Variants in CXXC5 observed in about 807,000 individuals in gnomAD.
The protein encoded by CXXC5 is CXXC finger protein 5, also known as CXXC-type zinc finger protein 5.
Under a neutral mutation model 17.6 loss-of-function variants are expected in CXXC5, and 2 were observed. That is an observed-to-expected ratio of 0.11 (90% CI 0.05 to 0.36). The LOEUF is 0.36. Ranked by LOEUF, CXXC5 falls within the 10% of genes least tolerant of loss-of-function variation. The probability of loss-of-function intolerance (pLI) is 1.00; values close to 1 mark genes in which losing one functional copy is unlikely to be tolerated. For synonymous variants in CXXC5, 171 were observed against 193.0 expected, an observed-to-expected ratio of 0.89 and a Z score of 0.94; for missense variants, 343 against 458.3, an observed-to-expected ratio of 0.75 and a Z score of 2.30.
At chr5:139,655,772 C>CGGCCG (rs1301493022) in intron 1 of CXXC5, among the ~76,000 whole-genome samples, 13 of 151,408 alleles carry the variant, frequency 8.6e-5, no homozygotes, top group Admixed American at 8.5e-4. Context: ...CCAGCTGTGC[C>CGGCCG]GGCCGGCCGT....
At position 139,680,893 on chromosome 5, in the gene CXXC5, G is replaced by A. The variant is rs1488951126; in HGVS notation, c.370G>A (p.Ala124Thr). 3 of 1,605,302 alleles carry A rather than the reference G, an allele frequency of 1.9e-6. No homozygotes were observed. Among genetic ancestry groups the A allele is most frequent in the Non-Finnish European group, 2.5e-6 (3 of 1,179,968 alleles). Residue 124 changes from alanine (A) to threonine (T), a missense_variant, in exon 2 of 3, where the codon GCC becomes ACC. Ala to Thr is a moderately conservative substitution (Grantham distance 58). Around this residue, in one of 4 missense-constraint regions of CXXC5, gnomAD observed 297 missense variants for 363.4 expected, o/e 0.82. Coordinates refer to ENST00000302517, the MANE Select transcript of CXXC5 (RefSeq NM_016463.9). ...LLANGHDLAA[A>T]MAVDKSNPTS... Reference sequence around the variant, plus strand: ...GGCCAATGGGCATGACCTGGCGGCGGCCATGGCGGTGGACAAAAGCAACCC... The same window carrying A: ...GGCCAATGGGCATGACCTGGCGGCGACCATGGCGGTGGACAAAAGCAACCC...
At chr5:139,660,185 T>C (rs1755713306) in intron 1 of CXXC5, among the ~76,000 whole-genome samples, 6 of 152,188 alleles carry the variant, frequency 3.9e-5, no homozygotes, top group Admixed American at 3.9e-4. Context: ...GGGATGATCC[T>C]GTGGGGTCTG....
chr5:139,657,121 G>T (rs2126752767), intron 1 of CXXC5, among the ~76,000 whole-genome samples: 1 of 152,356 alleles, frequency 6.6e-6, no homozygotes, highest in South Asian at 2.1e-4. Flanking sequence ...ACAGCTTTCT[G>T]ACTTTCACTT....
chr5:139,650,435 G>A (rs1376047573), intron 1 of CXXC5, among the ~76,000 whole-genome samples: 2 of 152,234 alleles, frequency 1.3e-5, no homozygotes, highest in Non-Finnish European at 2.9e-5. Flanking sequence ...GGAAGCGTTG[G>A]GGAGGGGGCG....
rs1756407326 is a variant in CXXC5, at chr5:139,670,576, G to T, written c.-160-9788G>T. 6.6e-6 allele frequency among the ~76,000 whole-genome samples: 1 copy of T among 152,202 alleles called. No homozygotes were observed. The highest frequency in any genetic ancestry group is 2.4e-5 in the African/African-American group (1 of 41,446). ...CCTGACACAACTCACAGTGCATGCG[G>T]ACATACACACACTGGCATTCATGCG... is the stretch of plus-strand genomic sequence containing the variant. On this transcript the variant is annotated intron_variant, in intron 1 of 2. Coordinates refer to ENST00000302517, the MANE Select transcript of CXXC5 (RefSeq NM_016463.9). The surrounding 1 kb of genome is among the most constrained non-coding windows in gnomAD (Gnocchi z 4.2).
chr5:139,677,876 A>G (rs599946), intron 1 of CXXC5, among the ~76,000 whole-genome samples: 50,780 of 152,208 alleles, frequency 0.33, 8,844 homozygotes, highest in Middle Eastern at 0.44. Flanking sequence ...CTGTGTTGGA[A>G]GGAGCTGACT....
intron 1 of CXXC5, among the ~76,000 whole-genome samples, chr5:139,664,077 C>G (rs963647417): frequency 6.6e-6 from 1 of 152,158 alleles, no homozygotes. Context: ...CCCCCTCCCC[C>G]ATGCCCAGCT....
chr5:139,681,630 A>G (rs151150625), intron 2 of CXXC5, among the ~76,000 whole-genome samples, 183 bp downstream of exon 2: 12 of 152,304 alleles, frequency 7.9e-5, no homozygotes, highest in African/African-American at 2.2e-4. Flanking sequence ...AGTCAGAGCC[A>G]CATTCTGAGA....
At chr5:139,650,564 C>A (rs1406975728) in intron 1 of CXXC5, among the ~76,000 whole-genome samples, 1 of 152,218 alleles carries the variant, frequency 6.6e-6, no homozygotes, top group Non-Finnish European at 1.5e-5. Context: ...GCGGTCGCTG[C>A]GGACTTGTTT....
In CXXC5 at chr5:139,668,624, G is replaced by T. The variant is rs1756266726; in HGVS notation, c.-160-11740G>T. Among the ~76,000 whole-genome samples the T allele has an allele frequency of 6.6e-6, 1 of 152,170 alleles. No homozygotes were observed. The highest frequency in any genetic ancestry group is 2.1e-4 in the South Asian group (1 of 4,824). On this transcript the variant is annotated intron_variant, in intron 1 of 2. Coordinates refer to ENST00000302517, the MANE Select transcript of CXXC5 (RefSeq NM_016463.9). This position sits in a 1 kb window ranked among gnomAD's most constrained non-coding sequence, Gnocchi z 4.1. ...GGCTTAACCCAGACGAGCCCAGGAC[G>T]CCCTATCCCTGAACCCCATCGTGGC...
Position 139,668,170 on chromosome 5 carries a change from G to A in CXXC5, c.-160-12194G>A, listed in dbSNP as rs1756219962. ...CACTCCCTCCGCCTCCCAGACCTCT[G>A]GGGCCATGAATCATTTATGAGGCAA... On this transcript the variant is annotated intron_variant, in intron 1 of 2. Coordinates refer to ENST00000302517, the MANE Select transcript of CXXC5 (RefSeq NM_016463.9). This position sits in a 1 kb window ranked among gnomAD's most constrained non-coding sequence, Gnocchi z 4.1. Among the ~76,000 whole-genome samples the A allele has an allele frequency of 6.6e-6, 1 of 152,144 alleles. No individual in the cohort carries two copies. Among genetic ancestry groups the A allele is most frequent in the Non-Finnish European group, 1.5e-5 (1 of 68,016 alleles).
At chr5:139,657,676 T>C (rs1168141194) in intron 1 of CXXC5, among the ~76,000 whole-genome samples, 4 of 152,146 alleles carry the variant, frequency 2.6e-5, no homozygotes, top group African/African-American at 9.7e-5. Flanking sequence ...CCTATCTTCT[T>C]TGAGGACCAC....
chr5:139,680,751 C>T lies in CXXC5; in HGVS notation c.228C>T (p.Ser76=). Residue 76 remains serine (S), a synonymous_variant, in exon 2 of 3, where the codon TCC becomes TCT. Coordinates refer to ENST00000302517, the MANE Select transcript of CXXC5 (RefSeq NM_016463.9). ...SEPLNKSLRR[S]RPLSHYSSFG... ...CCCTCAACAAGAGCCTGCGCCGCTCCCGCCCGCTCTCCCACTACTCTTCTT... is the reference window on the plus strand; with the variant it reads ...CCCTCAACAAGAGCCTGCGCCGCTCTCGCCCGCTCTCCCACTACTCTTCTT... 6.2e-7 allele frequency: 1 copy of T among 1,613,534 alleles called. No homozygotes were observed. Among genetic ancestry groups the T allele is most frequent in the Non-Finnish European group, 8.5e-7 (1 of 1,180,016 alleles).
At chr5:139,679,673 T>A in intron 1 of CXXC5, 1 of 152,332 alleles carries the variant, frequency 6.6e-6, no homozygotes, top group East Asian at 1.9e-4. Flanking sequence ...TTCTTATTTT[T>A]ATTTTTTTGA....
rs373806234 is a variant in CXXC5 at position 139,663,453 on chromosome 5, G to A, written c.-161+14608G>A. Among the ~76,000 whole-genome samples the A allele has an allele frequency of 2.0e-5, 3 of 152,258 alleles. No individual in the cohort carries two copies. The highest frequency in any genetic ancestry group is 7.2e-5 in the African/African-American group (3 of 41,526). On this transcript the variant is annotated intron_variant, in intron 1 of 2. Coordinates refer to ENST00000302517, the MANE Select transcript of CXXC5 (RefSeq NM_016463.9). This position sits in a 1 kb window ranked among gnomAD's most constrained non-coding sequence, Gnocchi z 4.2. ...GGCGAGGGAGGTAGGAGGAAAGGCT[G>A]TCTAGAAGTGTAGGTAGGCCTTCTT...
chr5:139,661,430 G>A lies in CXXC5; in HGVS notation c.-161+12585G>A, dbSNP rs960494655. On this transcript the variant is annotated intron_variant, in intron 1 of 2. Coordinates refer to ENST00000302517, the MANE Select transcript of CXXC5 (RefSeq NM_016463.9). The surrounding 1 kb of genome is among the most constrained non-coding windows in gnomAD (Gnocchi z 4.7). Reference sequence around the variant, plus strand: ...GACTCAGCACACCCAGCCGACACGCGTGGTACAGACTCGGTCACATGCACC... The same window carrying A: ...GACTCAGCACACCCAGCCGACACGCATGGTACAGACTCGGTCACATGCACC... Among the ~76,000 whole-genome samples, 4 of 152,178 alleles carry A rather than the reference G, an allele frequency of 2.6e-5. No homozygotes were observed. The highest frequency in any genetic ancestry group is 7.2e-5 in the African/African-American group (3 of 41,442).
chr5:139,668,737 C>T lies in CXXC5; in HGVS notation c.-160-11627C>T, dbSNP rs1756275621. Among the ~76,000 whole-genome samples, 1 of 152,046 alleles carries T rather than the reference C, an allele frequency of 6.6e-6. No homozygotes were observed. Among genetic ancestry groups the T allele is most frequent in the Admixed American group, 6.5e-5 (1 of 15,270 alleles). Reference sequence around the variant, plus strand: ...TCGGGAGAGATATGCTTATCCCAGGCGGAGCGGAGAAGGCTGGGGGATGAC... The same window carrying T: ...TCGGGAGAGATATGCTTATCCCAGGTGGAGCGGAGAAGGCTGGGGGATGAC... On this transcript the variant is annotated intron_variant, in intron 1 of 2. Coordinates refer to ENST00000302517, the MANE Select transcript of CXXC5 (RefSeq NM_016463.9). The surrounding 1 kb of genome is among the most constrained non-coding windows in gnomAD (Gnocchi z 4.1).
rs1037862678 is a variant in CXXC5 at position 139,658,953 on chromosome 5, G to A, written c.-161+10108G>A. Among the ~76,000 whole-genome samples the A allele has an allele frequency of 6.6e-6, 1 of 152,226 alleles. No homozygotes were observed. The highest frequency in any genetic ancestry group is 2.4e-5 in the African/African-American group (1 of 41,456). ...GTTTGGAGTCATCCTAATGCCTCCAGAAGCCTGGGAGGGCTCAATTGACTC... is the reference window on the plus strand; with the variant it reads ...GTTTGGAGTCATCCTAATGCCTCCAAAAGCCTGGGAGGGCTCAATTGACTC... On this transcript the variant is annotated intron_variant, in intron 1 of 2. Coordinates refer to ENST00000302517, the MANE Select transcript of CXXC5 (RefSeq NM_016463.9). The surrounding 1 kb of genome is among the most constrained non-coding windows in gnomAD (Gnocchi z 4.1).
intron 1 of CXXC5, among the ~76,000 whole-genome samples, chr5:139,659,867 GC>G (rs1467418115): frequency 6.6e-6 from 1 of 152,196 alleles, no homozygotes; most frequent in Non-Finnish European, 1.5e-5. Flanking sequence ...GTTGGCTCTG[GC>G]CCCCTCCATC....
Sources: gnomAD v4.1 joint callset for allele counts (sites outside exome capture counted in the v4.1 genomes callset) on GRCh38, gnomAD v4.1.1 for gene constraint, gnomAD v4.1.1 regional missense constraint, Gnocchi (gnomAD v3.1) non-coding constraint, MANE v1.5 for transcripts, NCBI Gene and HGNC (gene_info 2026-07-23, HGNC 2026-07-21) for gene names.